Variants in HEXB observed in about 807,000 individuals in gnomAD.
HEXB encodes beta-hexosaminidase subunit beta.
HEXB carries 51 observed loss-of-function variants against 71.2 expected under a neutral mutation model. The observed-to-expected ratio is 0.72, with a 90% confidence interval of 0.57 to 0.90. The LOEUF (loss-of-function observed/expected upper bound fraction) is 0.90. Ranked by LOEUF, HEXB falls within the 40% of genes least tolerant of loss-of-function variation. The pLI is 0.00. For missense variants in HEXB, 617 were observed against 677.0 expected (o/e 0.91, Z 0.98); for synonymous variants, 266 against 249.3 (o/e 1.07, Z -0.63).
At chr5:74,647,420 A>G (rs1029461093) in intron 1 of HEXB, among the ~76,000 whole-genome samples, 4 of 152,238 alleles carry the variant, frequency 2.6e-5, no homozygotes, top group Non-Finnish European at 5.9e-5. Context: ...CACAGATGCT[A>G]CTTACTGCTT....
At chr5:74,684,961 G>A (rs967156573), upstream of HEXB, among the ~76,000 whole-genome samples, 4 of 152,208 alleles carry the variant, frequency 2.6e-5, no homozygotes, top group Non-Finnish European at 4.4e-5. Flanking sequence ...ACAGGCGTGA[G>A]CCACCACGTA....
intron 9 of HEXB, 28 bp downstream of exon 9, chr5:74,716,701 A>G (rs1749680878): frequency 6.0e-6 from 8 of 1,338,684 alleles, no homozygotes; most frequent in South Asian, 1.2e-5. Flanking sequence ...CTATTTCTGT[A>G]TTAATGCTTT....
intron 5 of HEXB, among the ~76,000 whole-genome samples, chr5:74,704,014 G>A (rs1421887172): frequency 1.3e-5 from 2 of 152,148 alleles, no homozygotes; most frequent in Non-Finnish European, 2.9e-5. Flanking sequence ...AGGCACGTAC[G>A]TTTGTTTACA....
chr5:74,718,403 C>CTTAA (rs1749728567), intron 10 of HEXB, 40 bp downstream of exon 10: 1 of 1,424,112 alleles, frequency 7.0e-7, no homozygotes. Flanking sequence ...ATATAAGAGA[C>CTTAA]TTAATTATTT....
chr5:74,702,588 G>C (rs1176473655), intron 5 of HEXB, among the ~76,000 whole-genome samples: 1 of 152,144 alleles, frequency 6.6e-6, no homozygotes, highest in African/African-American at 2.4e-5. Flanking sequence ...CTTATAACTT[G>C]CCTAAGATGT....
chr5:74,669,322 A>G (rs1309679136), intron 1 of HEXB, among the ~76,000 whole-genome samples: 1 of 151,960 alleles, frequency 6.6e-6, no homozygotes, highest in Non-Finnish European at 1.5e-5. Flanking sequence ...TTCAGTTATG[A>G]GCATTATTCA....
intron 1 of HEXB, among the ~76,000 whole-genome samples, chr5:74,663,220 C>T (rs1473088065): frequency 6.0e-5 from 9 of 151,126 alleles, no homozygotes; most frequent in African/African-American, 2.2e-4. Flanking sequence ...GGCGGAGTTT[C>T]GCTCTTGTTG....
At chr5:74,653,211 T>A (rs957103420) in intron 1 of HEXB, among the ~76,000 whole-genome samples, 4 of 152,230 alleles carry the variant, frequency 2.6e-5, no homozygotes, top group African/African-American at 7.2e-5. Context: ...TCAAGTACCA[T>A]GACTCACATT....
intron 6 of HEXB, among the ~76,000 whole-genome samples, chr5:74,709,161 T>C (rs1431606211): frequency 6.6e-6 from 1 of 152,148 alleles, no homozygotes; most frequent in Non-Finnish European, 1.5e-5. Context: ...CTCAACTACA[T>C]GGAAACTGAA....
intron 1 of HEXB, among the ~76,000 whole-genome samples, chr5:74,672,870 A>G (rs1446442312): frequency 6.6e-6 from 1 of 152,252 alleles, no homozygotes; most frequent in Non-Finnish European, 1.5e-5. Context: ...TAAGAGGGGT[A>G]GGAGACATGC....
At chr5:74,683,282 C>T (rs540279267), upstream of HEXB, among the ~76,000 whole-genome samples, 217 of 151,696 alleles carry the variant, frequency 1.4e-3, 1 homozygote, top group African/African-American at 5.0e-3. Context: ...GCTTTGGGGG[C>T]ATAGGGGCTC....
chr5:74,720,179 G>A (rs373223744), intron 11 of HEXB: 1 of 522,588 alleles, frequency 1.9e-6, no homozygotes. Flanking sequence ...ATTAATCTAT[G>A]GTGCTAACAC....
At chr5:74,718,514 T>G in intron 10 of HEXB, 151 bp downstream of exon 10, 4 of 746,432 alleles carry the variant, frequency 5.4e-6, no homozygotes, top group Non-Finnish European at 9.4e-6. Context: ...CTAGGTTTGG[T>G]AGAAATAAGA....
At chr5:74,712,521 A>T (rs1314161286) in intron 6 of HEXB, among the ~76,000 whole-genome samples, 1 of 152,232 alleles carries the variant, frequency 6.6e-6, no homozygotes, top group Non-Finnish European at 1.5e-5. Context: ...TTATTTTAAA[A>T]CATTTGCAGT....
intron 6 of HEXB, among the ~76,000 whole-genome samples, chr5:74,707,743 A>G (rs954925054): frequency 6.6e-6 from 1 of 152,126 alleles, no homozygotes; most frequent in African/African-American, 2.4e-5. Flanking sequence ...TAGAGAAAAA[A>G]GAATAAAAAG....
At chr5:74,650,718 G>A (rs1352545648) in intron 1 of HEXB, among the ~76,000 whole-genome samples, 1 of 151,872 alleles carries the variant, frequency 6.6e-6, no homozygotes, top group Admixed American at 6.6e-5. Flanking sequence ...TCAGGAGATC[G>A]AGACCATCCG....
intron 6 of HEXB, chr5:74,705,726 A>G (rs1202392977): frequency 4.1e-6 from 1 of 245,990 alleles, no homozygotes; most frequent in East Asian, 1.0e-4. Context: ...GGAATTTTAG[A>G]GGTGAGAGTG....
chr5:74,664,429 C>CAAAA (rs1748393471), intron 1 of HEXB, among the ~76,000 whole-genome samples: 1 of 60,970 alleles, frequency 1.6e-5, no homozygotes, highest in African/African-American at 9.3e-5. Flanking sequence ...GATTCTATCT[C>CAAAA]TAAAAAAAAA....
At chr5:74,719,213 A>G (rs1233258136) in intron 11 of HEXB, among the ~76,000 whole-genome samples, 1 of 152,206 alleles carries the variant, frequency 6.6e-6, no homozygotes, top group East Asian at 1.9e-4. Context: ...AAGAACTTCA[A>G]AAGTATTATA....
Sources: allele counts gnomAD v4.1 joint callset (sites outside exome capture counted in the v4.1 genomes callset), GRCh38; gene constraint gnomAD v4.1.1; transcripts MANE v1.5; gene names NCBI Gene and HGNC (gene_info 2026-07-23, HGNC 2026-07-21).